The following DAB2IP variants were observed in gnomAD, a reference collection of about 807,000 sequenced individuals.
DAB2IP encodes the protein disabled homolog 2-interacting protein.
DAB2IP carries 28 observed loss-of-function variants against 107.2 expected under a neutral mutation model. The observed-to-expected ratio is 0.26, with a 90% CI of 0.19 to 0.36. The LOEUF (loss-of-function observed/expected upper bound fraction) is 0.36, where lower values mean the gene tolerates loss of function less well. Among genes scored for constraint, DAB2IP ranks in the 10% least tolerant of loss-of-function variants. The pLI is 1.00. For synonymous variants in DAB2IP, 755 were observed against 706.4 expected (o/e 1.07, Z -1.09); for missense variants, 1,400 against 1,644.7 (o/e 0.85, Z 2.57).
intron 1 of DAB2IP, among the ~76,000 whole-genome samples, chr9:121,568,753 A>G (rs545651758): frequency 1.8e-4 from 27 of 152,296 alleles, no homozygotes; most frequent in African/African-American, 6.5e-4. Context: ...TGACCTTTGA[A>G]GAGGCAGGCG....
chr9:121,785,213 C>T (rs1835925558), exon 16 of DAB2IP: 1 of 152,804 alleles, frequency 6.5e-6, no homozygotes, highest in Non-Finnish European at 1.5e-5. Flanking sequence ...GAGCATCTGC[C>T]CCAGGTACAC....
At chr9:121,731,583 C>G (rs541355155) in intron 3 of DAB2IP, among the ~76,000 whole-genome samples, 1 of 152,234 alleles carries the variant, frequency 6.6e-6, no homozygotes, top group Non-Finnish European at 1.5e-5. Flanking sequence ...CTTTCCTTGT[C>G]TCCTCCAGCT....
intron 1 of DAB2IP, among the ~76,000 whole-genome samples, chr9:121,678,081 T>C (rs1828362067): frequency 6.6e-6 from 1 of 152,228 alleles, no homozygotes. Context: ...TCTGCAACCA[T>C]CACCACTATC....
intron 1 of DAB2IP, among the ~76,000 whole-genome samples, chr9:121,639,146 A>G (rs1282355598): frequency 2.6e-5 from 4 of 152,162 alleles, no homozygotes; most frequent in African/African-American, 4.8e-5. Flanking sequence ...GAGTAACAGG[A>G]TTCACTGCTT....
In DAB2IP at chr9:121,621,035, G is replaced by A. The variant is rs376213257; in HGVS notation, c.40+53807G>A. 7.7e-4 allele frequency among the ~76,000 whole-genome samples: 118 copies of A among 152,258 alleles called. 1 individual carries two copies. The highest frequency in any genetic ancestry group is 2.7e-3 in the African/African-American group (111 of 41,552). The stretch of plus-strand genomic sequence containing the variant: ...AACTTTCCTCTTTGAGGGGAAGACC[G>A]CACTGGCCAGCCCCTGGGACAGGGA... On this transcript the variant is annotated intron_variant, in intron 1 of 16. Coordinates refer to the DAB2IP transcript ENST00000259371.
At chr9:121,756,948 G>A (rs1404453190) in intron 3 of DAB2IP, 65 bp from the exon 4 acceptor site, 1 of 1,608,304 alleles carries the variant, frequency 6.2e-7, no homozygotes, top group East Asian at 2.2e-5. Context: ...GCAGATGGGT[G>A]GGACATGGCA....
chr9:121,586,735 G>A (rs1188409711), intron 1 of DAB2IP, among the ~76,000 whole-genome samples: 6 of 151,878 alleles, frequency 4.0e-5, no homozygotes, highest in African/African-American at 9.7e-5. Flanking sequence ...TGGGAGGATC[G>A]CTTTAGCCTG....
At chr9:121,770,837 C>G in intron 11 of DAB2IP, 113 bp downstream of exon 11, 6 of 1,384,336 alleles carry the variant, frequency 4.3e-6, no homozygotes, top group Non-Finnish European at 5.8e-6. Context: ...ATAAAACAAG[C>G]CTGGCAAGAC....
Position 121,772,839 on chromosome 9 carries a change from C to T in DAB2IP, c.2311C>T (p.Pro771Ser), listed in dbSNP as rs372120275. ...CTCCCCGGCGGGCCCCGACGTCCTC[C>T]CCACAGATGGGCAGGCCGCTGCAGC... Residue 771 changes from proline to serine, a missense_variant, in exon 12 of 16, where the codon CCC becomes TCC. By Grantham distance (74) the Pro-to-Ser change is moderately conservative. This residue lies in a region of DAB2IP where 600 missense variants were observed against 659.1 expected (regional missense o/e 0.91). Transcript: ENST00000408936. The surrounding 1 kb of genome is among the most constrained non-coding windows in gnomAD (Gnocchi z 4.7). 25 of 1,602,742 alleles carry T rather than the reference C, an allele frequency of 1.6e-5. No homozygotes were observed. The African/African-American group carries it at 3.1e-4, about 20-fold the overall frequency.
chr9:121,585,032 G>C (rs1047684036), intron 1 of DAB2IP, among the ~76,000 whole-genome samples: 10 of 152,168 alleles, frequency 6.6e-5, no homozygotes, highest in Non-Finnish European at 1.3e-4. Context: ...AGTCTGCTGA[G>C]TAGCTTGGAC....
exon 2 of DAB2IP, chr9:121,678,733 G>T (rs770806496): frequency 1.9e-6 from 3 of 1,599,096 alleles, no homozygotes; most frequent in Admixed American, 1.7e-5. Flanking sequence ...GCCTTTCCGA[G>T]AAGAGCCCCA....
intron 2 of DAB2IP, among the ~76,000 whole-genome samples, chr9:121,689,756 T>TC (rs554194034): frequency 2.0e-4 from 30 of 151,462 alleles, no homozygotes; most frequent in African/African-American, 6.6e-4. Context: ...CCCGGGAGAC[T>TC]CCCCCCCCAT....
intron 3 of DAB2IP, among the ~76,000 whole-genome samples, chr9:121,715,864 G>C (rs1467917246): frequency 2.0e-5 from 3 of 152,190 alleles, no homozygotes; most frequent in Non-Finnish European, 2.9e-5. Context: ...TCTAAGGAAG[G>C]TGCTTGTGAG....
intron 8 of DAB2IP, among the ~76,000 whole-genome samples, chr9:121,764,081 C>T (rs546536022): frequency 2.6e-5 from 4 of 152,368 alleles, no homozygotes; most frequent in East Asian, 1.9e-4. Flanking sequence ...AACCTGGACA[C>T]GCCAGTCTGC....
rs115982235 is a variant in DAB2IP at position 121,592,991 on chromosome 9, C to A, written c.40+25763C>A. Among the ~76,000 whole-genome samples the A allele has an allele frequency of 3.7e-3, 566 of 152,232 alleles. 3 individuals are homozygous for A. Among genetic ancestry groups the A allele is most frequent in the African/African-American group, 0.013 (543 of 41,528 alleles). On this transcript the variant is annotated intron_variant, in intron 1 of 16. Coordinates refer to the DAB2IP transcript ENST00000259371. ...GGCACAAAGGACAGGAGGAAAGAGC[C>A]CCAGAAGCACTAACTTCATGCATAT...
At chr9:121,666,897 CACACACACACACACACACAA>C (rs1833459260) in intron 1 of DAB2IP, among the ~76,000 whole-genome samples, 2 of 150,202 alleles carry the variant, frequency 1.3e-5, no homozygotes, top group Admixed American at 6.6e-5. Flanking sequence ...CACACACACA[CACACACACACACACACACAA>C]CACTCTTAAA....
At chr9:121,567,429 T>C (rs984728322) in intron 1 of DAB2IP, among the ~76,000 whole-genome samples, 5 of 152,122 alleles carry the variant, frequency 3.3e-5, no homozygotes, top group Middle Eastern at 3.2e-3. Flanking sequence ...GGGCAGCCCC[T>C]CAGACTCCAG....
In DAB2IP at chr9:121,639,003, G is replaced by A. The variant is rs74987285; in HGVS notation, c.41-39675G>A. On this transcript the variant is annotated intron_variant, in intron 1 of 16. Transcript: ENST00000259371. ...GGGGAAGGGATAGGAGTAGGGTGTG[G>A]TAAGAGGGAAGATAGGAGTAGGGCT... Among the ~76,000 whole-genome samples, 195 of 152,246 alleles carry A rather than the reference G, an allele frequency of 1.3e-3. 1 individual carries two copies. The highest frequency in any genetic ancestry group is 4.4e-3 in the African/African-American group (184 of 41,538).
At chr9:121,713,542 G>A (rs1175002686) in intron 3 of DAB2IP, among the ~76,000 whole-genome samples, 1 of 152,174 alleles carries the variant, frequency 6.6e-6, no homozygotes, top group African/African-American at 2.4e-5. Context: ...TGTTTGAGGT[G>A]CCCCAGAAAC....
Sources: gnomAD v4.1 joint callset for allele counts (sites outside exome capture counted in the v4.1 genomes callset) on GRCh38, gnomAD v4.1.1 for gene constraint, gnomAD v4.1.1 regional missense constraint, Gnocchi (gnomAD v3.1) non-coding constraint, MANE v1.5 for transcripts, NCBI Gene and HGNC (gene_info 2026-07-23, HGNC 2026-07-21) for gene names.